The following LRRTM4 variants were observed in gnomAD, a reference collection of about 807,000 sequenced individuals.
LRRTM4 encodes leucine rich repeat transmembrane neuronal 4.
LRRTM4 carries 25 observed loss-of-function variants against 47.6 expected under a neutral mutation model. That is an observed-to-expected ratio of 0.53 (90% CI 0.38 to 0.73). The LOEUF (loss-of-function observed/expected upper bound fraction) is 0.73, where lower values mean the gene tolerates loss of function less well. LRRTM4 is among the 30% of genes least tolerant of loss of function. The pLI is 0.00. For synonymous variants in LRRTM4, 311 were observed against 269.5 expected (o/e 1.15, Z -1.51); for missense variants, 638 against 713.4 (o/e 0.89, Z 1.20).
intron 3 of LRRTM4, among the ~76,000 whole-genome samples, chr2:77,105,436 ATAGG>A (rs1226503128): frequency 2.0e-5 from 3 of 146,590 alleles, no homozygotes; most frequent in Non-Finnish European, 3.0e-5. Context: ...GTTCTGACTC[ATAGG>A]TAGGTGGGAA....
At chr2:77,064,992 T>C (rs928643735) in intron 3 of LRRTM4, among the ~76,000 whole-genome samples, 1 of 152,166 alleles carries the variant, frequency 6.6e-6, no homozygotes, top group East Asian at 1.9e-4. Context: ...TTTTAATTAA[T>C]GTTCATTATA....
In LRRTM4 at chr2:77,281,589, T is replaced by A. The variant is rs564031862; in HGVS notation, c.1551+236729A>T. ...CTATTACGGTAAAAGAAAGAACCAA[T>A]CACATTTGTGCTTTGGTAATAAGGC... On this transcript the variant is annotated intron_variant, in intron 3 of 3. Coordinates refer to ENST00000409884, the MANE Select transcript of LRRTM4 (RefSeq NM_001134745.3). 1.7e-4 allele frequency among the ~76,000 whole-genome samples: 26 copies of A among 151,876 alleles called. No individual in the cohort carries two copies. In the South Asian group the frequency reaches 5.4e-3, roughly 31 times the overall value.
chr2:77,134,191 C>T (rs1319727443), intron 3 of LRRTM4, among the ~76,000 whole-genome samples: 1 of 151,996 alleles, frequency 6.6e-6, no homozygotes, highest in East Asian at 1.9e-4. Context: ...AAGATGGAAA[C>T]TAACACATTT....
intron 3 of LRRTM4, among the ~76,000 whole-genome samples, chr2:77,141,167 G>T (rs1573002886): frequency 6.6e-6 from 1 of 152,146 alleles, no homozygotes; most frequent in East Asian, 1.9e-4. Context: ...AAAGACACAT[G>T]TACACGTATG....
chr2:76,984,026 T>C, intron 3 of LRRTM4, among the ~76,000 whole-genome samples: 1 of 152,088 alleles, frequency 6.6e-6, no homozygotes, highest in Non-Finnish European at 1.5e-5. Context: ...TACCTTCTGT[T>C]TGTAATCATC....
intron 3 of LRRTM4, among the ~76,000 whole-genome samples, chr2:76,980,858 C>T (rs771371049): frequency 1.3e-5 from 2 of 152,016 alleles, no homozygotes; most frequent in Admixed American, 6.6e-5. Context: ...TTCTCTGTTA[C>T]ATTATATTTT....
At chr2:76,796,266 G>GC (rs1675319364) in intron 3 of LRRTM4, among the ~76,000 whole-genome samples, 2 of 73,714 alleles carry the variant, frequency 2.7e-5, no homozygotes, top group South Asian at 1.0e-3. Context: ...GAACAGGCTT[G>GC]ATTAGGTAAA....
intron 3 of LRRTM4, among the ~76,000 whole-genome samples, chr2:76,954,938 C>CA (rs1228655224): frequency 1.3e-5 from 2 of 151,402 alleles, no homozygotes; most frequent in African/African-American, 4.8e-5. Flanking sequence ...AAAAACAAAA[C>CA]AAAAAAACCG....
intron 3 of LRRTM4, among the ~76,000 whole-genome samples, chr2:77,453,088 C>T (rs1676326097): frequency 6.6e-6 from 1 of 151,206 alleles, no homozygotes; most frequent in Non-Finnish European, 1.5e-5. Context: ...ATTCTAATAT[C>T]CATGTTTTTG....
At chr2:76,998,769 GTT>G (rs544805115) in intron 3 of LRRTM4, among the ~76,000 whole-genome samples, 2 of 138,782 alleles carry the variant, frequency 1.4e-5, no homozygotes, top group African/African-American at 5.3e-5. Flanking sequence ...TATATTTTCT[GTT>G]TTTTTTTTTT....
At chr2:77,395,737 G>T (rs556284446) in intron 3 of LRRTM4, among the ~76,000 whole-genome samples, 3 of 152,000 alleles carry the variant, frequency 2.0e-5, no homozygotes, top group African/African-American at 4.8e-5. Flanking sequence ...AGACTAGCTG[G>T]CCAGAGTCAT....
intron 3 of LRRTM4, among the ~76,000 whole-genome samples, chr2:76,785,072 A>G (rs961952531): frequency 6.6e-6 from 1 of 152,090 alleles, no homozygotes; most frequent in Non-Finnish European, 1.5e-5. Flanking sequence ...CTAGTCTGCA[A>G]TAAACTATTA....
At chr2:76,775,648 G>C (rs2104130160) in intron 3 of LRRTM4, among the ~76,000 whole-genome samples, 1 of 152,266 alleles carries the variant, frequency 6.6e-6, no homozygotes, top group Admixed American at 6.5e-5. Context: ...CAGCTTTATA[G>C]ATAAGTGCAG....
chr2:77,143,304 G>A (rs542429521), intron 3 of LRRTM4, among the ~76,000 whole-genome samples: 4 of 152,028 alleles, frequency 2.6e-5, no homozygotes, highest in African/African-American at 9.6e-5. Context: ...GAAAATTTGG[G>A]GCAGTTATTA....
intron 3 of LRRTM4, among the ~76,000 whole-genome samples, chr2:77,343,787 A>C (rs1004006567): frequency 6.6e-6 from 1 of 151,910 alleles, no homozygotes; most frequent in African/African-American, 2.4e-5. Flanking sequence ...TTGTGCTATA[A>C]GGTAAATAGA....
At chr2:77,439,711 G>A (rs1200148507) in intron 3 of LRRTM4, among the ~76,000 whole-genome samples, 1 of 152,024 alleles carries the variant, frequency 6.6e-6, no homozygotes. Context: ...GAACTTTTTT[G>A]AAACAGCAAA....
At position 76,826,636 on chromosome 2, in the gene LRRTM4, A is replaced by G. The variant is rs761617655; in HGVS notation, c.1552-77720T>C. On this transcript the variant is annotated intron_variant, in intron 3 of 3. Transcript: ENST00000409884. ...TTTAGGACTACTTTAAATGAACGAC[A>G]TTAAGCTACTTAAGGAAAAAATAAT... is the stretch of plus-strand genomic sequence containing the variant. Among the ~76,000 whole-genome samples, 4 of 151,848 alleles carry G rather than the reference A, an allele frequency of 2.6e-5. No individual in the cohort carries two copies. In the Admixed American group the frequency reaches 2.6e-4, roughly 10 times the overall value.
At chr2:77,226,371 G>T (rs139823143) in intron 3 of LRRTM4, among the ~76,000 whole-genome samples, 13 of 151,576 alleles carry the variant, frequency 8.6e-5, no homozygotes, top group African/African-American at 2.4e-4. Context: ...TTACATATAA[G>T]AATAGGTCTA....
intron 3 of LRRTM4, among the ~76,000 whole-genome samples, chr2:76,755,124 C>T (rs958984708): frequency 6.6e-6 from 1 of 152,148 alleles, no homozygotes; most frequent in African/African-American, 2.4e-5. Context: ...GTACCACTTT[C>T]ATTAATACAT....
Sources: allele counts gnomAD v4.1 joint callset (sites outside exome capture counted in the v4.1 genomes callset), GRCh38; gene constraint gnomAD v4.1.1; transcripts MANE v1.5; gene names NCBI Gene and HGNC (gene_info 2026-07-23, HGNC 2026-07-21).